Variants in TRPM3 observed in about 807,000 individuals in gnomAD.
TRPM3 encodes the protein transient receptor potential cation channel subfamily M member 3, also known as long transient receptor potential channel 3.
Under a neutral mutation model 181.2 loss-of-function variants are expected in TRPM3, and 77 were observed. The observed-to-expected ratio is 0.42, with a 90% CI of 0.35 to 0.51. The LOEUF is 0.51. Among genes scored for constraint, TRPM3 ranks in the 20% least tolerant of loss-of-function variants. TRPM3 has a pLI of 0.01. For missense variants in TRPM3, 1,759 were observed against 2,196.7 expected (o/e 0.80, Z 3.98); for synonymous variants, 745 against 796.4 (o/e 0.94, Z 1.09).
At chr9:71,070,222 CG>C (rs2062559214) in intron 1 of TRPM3, among the ~76,000 whole-genome samples, 1 of 152,162 alleles carries the variant, frequency 6.6e-6, no homozygotes, top group Admixed American at 6.5e-5. Context: ...AAAACAAAAT[CG>C]GAGAAGTCTA....
At chr9:70,668,840 C>T (rs991156477) in intron 9 of TRPM3, among the ~76,000 whole-genome samples, 2 of 152,074 alleles carry the variant, frequency 1.3e-5, no homozygotes, top group African/African-American at 2.4e-5. Flanking sequence ...CTATCAATTT[C>T]TGTGATTATG....
At chr9:70,994,497 A>G (rs2134161649) in intron 1 of TRPM3, among the ~76,000 whole-genome samples, 1 of 148,106 alleles carries the variant, frequency 6.8e-6, no homozygotes, top group African/African-American at 2.5e-5. Context: ...AATAATTTTT[A>G]AATTTAATTC....
At chr9:70,635,630 AT>A (rs5898157) in intron 11 of TRPM3, among the ~76,000 whole-genome samples, 130 of 145,994 alleles carry the variant, frequency 8.9e-4, no homozygotes, top group African/African-American at 1.6e-3. Flanking sequence ...TTTTGATAAA[AT>A]TTTTTTTTTT....
intron 22 of TRPM3, among the ~76,000 whole-genome samples, chr9:70,579,770 A>AC (rs1395357958): frequency 2.6e-5 from 4 of 152,222 alleles, no homozygotes; most frequent in Non-Finnish European, 5.9e-5. Flanking sequence ...TTGGAGGCAA[A>AC]CTGGGCATCT....
At chr9:70,991,454 T>G (rs1240164769) in intron 1 of TRPM3, among the ~76,000 whole-genome samples, 1 of 152,136 alleles carries the variant, frequency 6.6e-6, no homozygotes, top group Non-Finnish European at 1.5e-5. Context: ...TCTTGTTATT[T>G]AGTGTACTAA....
intron 1 of TRPM3, among the ~76,000 whole-genome samples, chr9:70,995,737 C>T (rs2134175190): frequency 6.6e-6 from 1 of 152,228 alleles, no homozygotes; most frequent in Admixed American, 6.5e-5. Context: ...ATAAACTCAG[C>T]ATGCCAGGCT....
At chr9:71,384,262 G>A (rs1380107296) in intron 1 of TRPM3, among the ~76,000 whole-genome samples, 1 of 152,126 alleles carries the variant, frequency 6.6e-6, no homozygotes, top group Non-Finnish European at 1.5e-5. Flanking sequence ...TTTCAGAAAT[G>A]CTGCCAAAGG....
chr9:70,920,810 T>C (rs569589080), intron 1 of TRPM3, among the ~76,000 whole-genome samples: 2 of 152,358 alleles, frequency 1.3e-5, no homozygotes, highest in East Asian at 1.9e-4. Context: ...TTTTAACTGA[T>C]CATAATTTTA....
chr9:70,554,908 A>G (rs904643609), intron 22 of TRPM3, among the ~76,000 whole-genome samples: 1 of 152,110 alleles, frequency 6.6e-6, no homozygotes, highest in African/African-American at 2.4e-5. Context: ...TTATTATTGC[A>G]GTTGTGGCAC....
At chr9:70,666,009 C>T (rs369109995) in intron 9 of TRPM3, among the ~76,000 whole-genome samples, 3 of 152,202 alleles carry the variant, frequency 2.0e-5, no homozygotes, top group Non-Finnish European at 4.4e-5. Flanking sequence ...AGCCTCAATG[C>T]CCCATTCCTC....
chr9:71,350,931 T>C (rs1206246532), intron 1 of TRPM3, among the ~76,000 whole-genome samples: 1 of 152,192 alleles, frequency 6.6e-6, no homozygotes, highest in Non-Finnish European at 1.5e-5. Flanking sequence ...AATTAGGCTA[T>C]GTTGATATCT....
chr9:71,207,387 C>G (rs2079188434), intron 1 of TRPM3, among the ~76,000 whole-genome samples: 1 of 152,070 alleles, frequency 6.6e-6, no homozygotes, highest in African/African-American at 2.4e-5. Context: ...TCTAATTTAA[C>G]TCTACCAAAG....
chr9:70,625,067 G>T lies in TRPM3; in HGVS notation c.1809+124C>A. 9.6e-7 allele frequency: 1 copy of T among 1,041,312 alleles called. No homozygotes were observed. The highest frequency in any genetic ancestry group is 1.3e-6 in the Non-Finnish European group (1 of 743,620). The allele number at this position is 1,041,312 out of a possible 1,614,324, so 64.5% of individuals were successfully genotyped here. ...TGAATTTCATTACTTTTCTTTGATT[G>T]TTTAGGTTCACTCTCAGCGCAATTT... is the stretch of plus-strand genomic sequence containing the variant. On this transcript the variant is annotated intron_variant, in intron 14 of 25. Coordinates refer to ENST00000677713, the MANE Select transcript of TRPM3 (RefSeq NM_001366145.2). This position sits in a 1 kb window ranked among gnomAD's most constrained non-coding sequence, Gnocchi z 4.8.
chr9:70,976,150 G>A (rs970684800), intron 1 of TRPM3, among the ~76,000 whole-genome samples: 9 of 152,122 alleles, frequency 5.9e-5, no homozygotes, highest in Admixed American at 3.3e-4. Context: ...TGGACAGTAC[G>A]GGGAAGGAGA....
intron 9 of TRPM3, among the ~76,000 whole-genome samples, chr9:70,669,201 A>T (rs185465019): frequency 7.9e-5 from 12 of 152,320 alleles, no homozygotes; most frequent in Non-Finnish European, 8.8e-5. Context: ...GAAGACCTGG[A>T]TTCCAGTTCT....
intron 1 of TRPM3, among the ~76,000 whole-genome samples, chr9:71,229,510 A>C (rs552576019): frequency 6.6e-6 from 1 of 152,334 alleles, no homozygotes; most frequent in African/African-American, 2.4e-5. Flanking sequence ...AATAATCCAC[A>C]AAATGAAGAG....
At chr9:71,348,672 C>G (rs765997656) in intron 1 of TRPM3, among the ~76,000 whole-genome samples, 2 of 151,924 alleles carry the variant, frequency 1.3e-5, no homozygotes, top group South Asian at 2.1e-4. Context: ...TGGGTTCAAG[C>G]GATTGCCTCA....
intron 1 of TRPM3, among the ~76,000 whole-genome samples, chr9:71,421,126 T>C (rs1007317512): frequency 2.0e-5 from 3 of 151,468 alleles, no homozygotes; most frequent in African/African-American, 4.8e-5. Context: ...AAACCAAATA[T>C]CACATGTTCT....
chr9:71,283,171 C>T (rs2084986398), intron 1 of TRPM3, among the ~76,000 whole-genome samples: 1 of 152,196 alleles, frequency 6.6e-6, no homozygotes, highest in Non-Finnish European at 1.5e-5. Flanking sequence ...ATTTCTATAA[C>T]TCTATTACTG....
Sources: gnomAD v4.1 joint callset for allele counts (sites outside exome capture counted in the v4.1 genomes callset) on GRCh38, gnomAD v4.1.1 for gene constraint, Gnocchi (gnomAD v3.1) non-coding constraint, MANE v1.5 for transcripts, NCBI Gene and HGNC (gene_info 2026-07-23, HGNC 2026-07-21) for gene names.